The following NRXN1 variants were observed in gnomAD, a reference collection of about 807,000 sequenced individuals.
NRXN1 encodes the protein neurexin-1.
Under a neutral mutation model 150.9 loss-of-function variants are expected in NRXN1, and 39 were observed. The observed-to-expected ratio is 0.26, with a 90% CI of 0.20 to 0.34. The LOEUF (loss-of-function observed/expected upper bound fraction) is 0.34, where lower values mean the gene tolerates loss of function less well. Ranked by LOEUF, NRXN1 falls within the 10% of genes least tolerant of loss-of-function variation. The pLI, the probability that NRXN1 is intolerant of heterozygous loss-of-function variation, is 1.00. For missense variants in NRXN1, 1,815 were observed against 1,949.9 expected, an observed-to-expected ratio of 0.93 and a Z score of 1.30; for synonymous variants, 924 against 757.0, an observed-to-expected ratio of 1.22 and a Z score of -3.62.
At chr2:50,732,445 A>C (rs1018423498) in intron 5 of NRXN1, among the ~76,000 whole-genome samples, 9 of 152,198 alleles carry the variant, frequency 5.9e-5, no homozygotes, top group African/African-American at 2.2e-4. Flanking sequence ...TGAGAATAAC[A>C]GTAGTAACCA....
At chr2:50,242,690 T>C (rs1032131203) in intron 17 of NRXN1, among the ~76,000 whole-genome samples, 4 of 151,618 alleles carry the variant, frequency 2.6e-5, no homozygotes, top group African/African-American at 9.7e-5. Flanking sequence ...TACATATGCA[T>C]GTAAGGGTGC....
intron 17 of NRXN1, among the ~76,000 whole-genome samples, chr2:50,413,230 T>C (rs1403984817): frequency 6.6e-6 from 1 of 152,040 alleles, no homozygotes; most frequent in African/African-American, 2.4e-5. Context: ...ATATAACAAC[T>C]TTACAGAAAA....
At chr2:50,593,556 T>C (rs938360318) in intron 8 of NRXN1, among the ~76,000 whole-genome samples, 2 of 152,228 alleles carry the variant, frequency 1.3e-5, no homozygotes, top group African/African-American at 2.4e-5. Context: ...ATGAATCAAA[T>C]AGACTGAAAT....
At chr2:50,985,348 T>TA (rs1199573569) in intron 2 of NRXN1, 2 of 151,796 alleles carry the variant, frequency 1.3e-5, no homozygotes, top group Non-Finnish European at 2.9e-5. Flanking sequence ...ACTGAGAACT[T>TA]ACTGAGAAAT....
chr2:50,381,329 T>C (rs776713127), intron 17 of NRXN1, among the ~76,000 whole-genome samples: 3 of 152,072 alleles, frequency 2.0e-5, no homozygotes, highest in Non-Finnish European at 2.9e-5. Context: ...TTTCATCTTA[T>C]ATTGTGAACA....
chr2:50,792,094 C>T (rs9751737), intron 5 of NRXN1, among the ~76,000 whole-genome samples: 120,751 of 152,004 alleles, frequency 0.79, 47,998 homozygotes, highest in Middle Eastern at 0.85. Context: ...TGTAGTATAT[C>T]GGAAGAACAT....
rs780290017 is a variant in NRXN1 at position 50,497,701 on chromosome 2, A to T, written c.2511T>A (p.Gly837=). ...TATGGAACTCCAGCCTAGTATGATC[A>T]CCTGCCATTTGACCTAAAAGAGAAG... is the stretch of plus-strand genomic sequence containing the variant. The part of the protein sequence containing the change: ...DQQAMTGQMA[G]DHTRLEFHNI... The change falls in exon 14 of 23, where the codon GGT becomes GGA. Residue 837 remains glycine (G), a synonymous_variant. Transcript: ENST00000401669. 1 of 1,608,750 alleles carries T rather than the reference A, an allele frequency of 6.2e-7. No homozygotes were observed. The highest frequency in any genetic ancestry group is 1.7e-5 in the Admixed American group (1 of 59,622).
chr2:49,933,444 C>T (rs1237886820), intron 22 of NRXN1, among the ~76,000 whole-genome samples: 1 of 152,136 alleles, frequency 6.6e-6, no homozygotes, highest in Non-Finnish European at 1.5e-5. Flanking sequence ...CATTCCTCTT[C>T]ACCTGCTGCC....
Position 50,501,276 on chromosome 2 carries a change from C to T in NRXN1, c.2498-3562G>A, listed in dbSNP as rs1558840342. On this transcript the variant is annotated intron_variant, in intron 13 of 22. Transcript: ENST00000401669. Reference sequence around the variant, plus strand: ...GAGCTGGGAACAAGTAGGTTAGTGACCCACATGGGATTGAAAGGAGCGGGA... The same window carrying T: ...GAGCTGGGAACAAGTAGGTTAGTGATCCACATGGGATTGAAAGGAGCGGGA... Among the ~76,000 whole-genome samples, 4 of 152,104 alleles carry T rather than the reference C, an allele frequency of 2.6e-5. No individual in the cohort carries two copies. In the South Asian group the frequency reaches 6.2e-4, roughly 24 times the overall value.
chr2:50,919,492 A>G (rs79941327), intron 5 of NRXN1: 1 of 151,702 alleles, frequency 6.6e-6, no homozygotes, highest in African/African-American at 2.4e-5. Flanking sequence ...TTATTTTTTT[A>G]TAGTCTTTTT....
intron 18 of NRXN1, chr2:50,174,528 C>T (rs2060231607): frequency 6.6e-6 from 1 of 152,098 alleles, no homozygotes; most frequent in Non-Finnish European, 1.5e-5. Flanking sequence ...ATTCAACAGC[C>T]ACTATACTAG....
intron 18 of NRXN1, among the ~76,000 whole-genome samples, chr2:50,115,487 CTAT>C (rs1363452635): frequency 6.6e-6 from 1 of 151,856 alleles, no homozygotes; most frequent in Non-Finnish European, 1.5e-5. Context: ...AAAGGAAATA[CTAT>C]TATTATCTCT....
intron 17 of NRXN1, among the ~76,000 whole-genome samples, chr2:50,250,106 A>C (rs2066901780): frequency 6.6e-6 from 1 of 152,140 alleles, no homozygotes; most frequent in African/African-American, 2.4e-5. Flanking sequence ...AATTAACATC[A>C]GTTTATTTTT....
At chr2:50,905,933 GAC>G (rs1408323474) in intron 5 of NRXN1, among the ~76,000 whole-genome samples, 2 of 152,036 alleles carry the variant, frequency 1.3e-5, no homozygotes, top group Non-Finnish European at 2.9e-5. Flanking sequence ...TCATGATTTA[GAC>G]AGTCTATTAA....
intron 5 of NRXN1, among the ~76,000 whole-genome samples, chr2:50,848,237 C>T (rs990106469): frequency 2.6e-5 from 4 of 152,146 alleles, no homozygotes; most frequent in Admixed American, 6.5e-5. Context: ...ACATCCCCAT[C>T]GCACGCCCTG....
chr2:50,360,302 A>G (rs1421584114), intron 17 of NRXN1, among the ~76,000 whole-genome samples: 1 of 152,218 alleles, frequency 6.6e-6, no homozygotes, highest in Non-Finnish European at 1.5e-5. Context: ...CCCAAATCGA[A>G]AGGCAAGACT....
At chr2:50,591,725 C>A (rs963216323) in intron 8 of NRXN1, among the ~76,000 whole-genome samples, 1 of 152,168 alleles carries the variant, frequency 6.6e-6, no homozygotes, top group Non-Finnish European at 1.5e-5. Context: ...AGGGTGACCC[C>A]TATCTGGGAC....
intron 5 of NRXN1, among the ~76,000 whole-genome samples, chr2:50,672,636 T>C (rs1689019896): frequency 6.6e-6 from 1 of 152,010 alleles, no homozygotes; most frequent in Non-Finnish European, 1.5e-5. Context: ...ATCAATATTT[T>C]GCTTAGCAAG....
chr2:50,827,961 T>C (rs1212167522), intron 5 of NRXN1, among the ~76,000 whole-genome samples: 1 of 144,036 alleles, frequency 6.9e-6, no homozygotes, highest in Non-Finnish European at 1.6e-5. Context: ...GCAGAAGAAT[T>C]TTTCTTAGTA....
Sources: gnomAD v4.1 joint callset for allele counts (sites outside exome capture counted in the v4.1 genomes callset) on GRCh38, gnomAD v4.1.1 for gene constraint, MANE v1.5 for transcripts, NCBI Gene and HGNC (gene_info 2026-07-23, HGNC 2026-07-21) for gene names.